The following HSD17B2 variants were observed in gnomAD, a reference collection of about 807,000 sequenced individuals.
The protein encoded by HSD17B2 is hydroxysteroid 17-beta dehydrogenase 2.
A neutral mutation model predicts 26.9 loss-of-function variants in HSD17B2; 32 were observed. The ratio of observed to expected loss-of-function variants is 1.19; its 90% CI spans 0.90 to 1.60. HSD17B2 has a LOEUF of 1.60. Among genes scored for constraint, HSD17B2 ranks in the 40% most tolerant of loss-of-function variants. HSD17B2 has a pLI of 0.00. For missense variants in HSD17B2, 613 were observed against 468.6 expected (o/e 1.31, Z -2.85); for synonymous variants, 246 against 186.7 (o/e 1.32, Z -2.59).
At chr16:82,050,087 T>C (rs1172159913) in intron 1 of HSD17B2, among the ~76,000 whole-genome samples, 1 of 152,260 alleles carries the variant, frequency 6.6e-6, no homozygotes, top group Non-Finnish European at 1.5e-5. Context: ...TAGCCAGCCC[T>C]ACTTTACAAA....
At chr16:82,097,959 AAT>A in intron 4 of HSD17B2, 114 bp from the exon 5 acceptor site, 22 of 929,418 alleles carry the variant, frequency 2.4e-5, no homozygotes, top group Non-Finnish European at 3.2e-5. Context: ...AAAATAAAAA[AAT>A]AAATAAATAA....
intron 1 of HSD17B2, among the ~76,000 whole-genome samples, chr16:82,064,015 G>A (rs905688978): frequency 6.6e-6 from 1 of 152,186 alleles, no homozygotes; most frequent in Non-Finnish European, 1.5e-5. Context: ...GGAGTTCTTT[G>A]CAGTGAGCTG....
In HSD17B2 at chr16:82,068,303, G is replaced by A. The variant is rs762451232; in HGVS notation, c.399G>A (p.Ser133=). The stretch of plus-strand genomic sequence containing the variant: ...GAAGAACCTGCTCTCCGCGCCTCTC[G>A]GTGCTCCAAATGGACATCACGAAGC... ...ELRRTCSPRL[S]VLQMDITKPV... Residue 133 remains serine (S), a synonymous_variant, in exon 2 of 5, where the codon TCG becomes TCA. Coordinates refer to ENST00000199936, the MANE Select transcript of HSD17B2 (RefSeq NM_002153.3). 20 of 1,613,922 alleles carry A rather than the reference G, an allele frequency of 1.2e-5. No homozygotes were observed. Among genetic ancestry groups the A allele is most frequent in the Middle Eastern group, 1.6e-4 (1 of 6,064 alleles).
At chr16:82,068,989 G>T (rs1290460242) in intron 2 of HSD17B2, among the ~76,000 whole-genome samples, 1 of 152,148 alleles carries the variant, frequency 6.6e-6, no homozygotes, top group East Asian at 1.9e-4. Context: ...ATGTGCCATG[G>T]TGGTTTGCTG....
intron 1 of HSD17B2, among the ~76,000 whole-genome samples, chr16:82,062,530 C>A (rs574189824): frequency 2.0e-5 from 3 of 152,288 alleles, no homozygotes; most frequent in East Asian, 1.9e-4. Flanking sequence ...ATATTTTATA[C>A]CCCAGTTGTT....
intron 1 of HSD17B2, among the ~76,000 whole-genome samples, chr16:82,049,810 G>A (rs1012576719): frequency 6.6e-6 from 1 of 152,246 alleles, no homozygotes; most frequent in Non-Finnish European, 1.5e-5. Flanking sequence ...ACACAAACTA[G>A]AGACAGTTCC....
intron 1 of HSD17B2, among the ~76,000 whole-genome samples, chr16:82,048,748 G>A (rs192321122): frequency 6.6e-6 from 1 of 152,322 alleles, no homozygotes; most frequent in Admixed American, 6.5e-5. Flanking sequence ...TGGTTAGAAA[G>A]GCAATTTACT....
chr16:82,073,454 G>A (rs943891678), intron 3 of HSD17B2, among the ~76,000 whole-genome samples: 1 of 151,894 alleles, frequency 6.6e-6, no homozygotes, highest in Non-Finnish European at 1.5e-5. Context: ...TCGATCTCCC[G>A]ACCTCGTGAT....
chr16:82,048,961 A>G (rs1161677295), intron 1 of HSD17B2, among the ~76,000 whole-genome samples: 1 of 152,220 alleles, frequency 6.6e-6, no homozygotes, highest in Non-Finnish European at 1.5e-5. Context: ...GACAAAGGAC[A>G]ATAAAGTAAC....
At chr16:82,064,956 G>A (rs1393875569) in intron 1 of HSD17B2, among the ~76,000 whole-genome samples, 1 of 152,198 alleles carries the variant, frequency 6.6e-6, no homozygotes, top group Non-Finnish European at 1.5e-5. Context: ...CACTGCTTTG[G>A]ATCTTGCAGC....
chr16:82,063,049 G>A (rs1269435636), intron 1 of HSD17B2: 1 of 152,230 alleles, frequency 6.6e-6, no homozygotes, highest in African/African-American at 2.4e-5. Flanking sequence ...CTGTCTTGCT[G>A]ACTGCCCATG....
chr16:82,060,545 C>T (rs1311972440), intron 1 of HSD17B2, among the ~76,000 whole-genome samples: 2 of 152,194 alleles, frequency 1.3e-5, no homozygotes, highest in African/African-American at 2.4e-5. Flanking sequence ...GTACAATCTC[C>T]CGATTCTGAG....
At chr16:82,085,418 T>G (rs886432918) in intron 3 of HSD17B2, among the ~76,000 whole-genome samples, 2 of 152,122 alleles carry the variant, frequency 1.3e-5, no homozygotes, top group Non-Finnish European at 2.9e-5. Flanking sequence ...AATGCAGATA[T>G]TAATTAATTT....
chr16:82,073,932 C>T (rs1407448770), intron 3 of HSD17B2, among the ~76,000 whole-genome samples: 1 of 152,172 alleles, frequency 6.6e-6, no homozygotes, highest in Non-Finnish European at 1.5e-5. Context: ...GGAGGCATCA[C>T]ACTACCTGAA....
At position 82,091,022 on chromosome 16, in the gene HSD17B2, C is replaced by G; in HGVS notation, c.785C>G (p.Pro262Arg). The change falls in exon 4 of 5, where the codon CCT becomes CGT. Residue 262 changes from proline to arginine, a missense_variant. Transcript: ENST00000199936. ...KWGIKVASIQ[P>R]GGFLTNIAGT... ...GGAATTAAAGTTGCTTCCATCCAAC[C>G]TGGAGGCTTCCTAACAAGTAGGTTT... The G allele has an allele frequency of 6.2e-7, 1 of 1,613,936 alleles. No individual in the cohort carries two copies. The highest frequency in any genetic ancestry group is 8.5e-7 in the Non-Finnish European group (1 of 1,179,844).
chr16:82,044,875 T>G (rs1164243289), intron 1 of HSD17B2, among the ~76,000 whole-genome samples: 1 of 151,968 alleles, frequency 6.6e-6, no homozygotes, highest in Non-Finnish European at 1.5e-5. Flanking sequence ...CTCAGCACTT[T>G]GGGAGGCCAG....
rs8191065 is a variant in HSD17B2, at chr16:82,037,600, G to T, written c.265+1911G>T. Among the ~76,000 whole-genome samples the T allele has an allele frequency of 2.8e-3, 433 of 152,280 alleles. 4 individuals are homozygous for T. Among genetic ancestry groups the T allele is most frequent in the African/African-American group, 0.01 (417 of 41,556 alleles). On this transcript the variant is annotated intron_variant, in intron 1 of 4. Transcript: ENST00000199936. ...CATAATCTGAAATATGAAAAAAAGA[G>T]TAGAAGCAAAACCAAAATGGCACAT...
Position 82,074,734 on chromosome 16 carries a change from C to A in HSD17B2, c.664+3607C>A, listed in dbSNP as rs8191198. Among the ~76,000 whole-genome samples, 298 of 152,254 alleles carry A rather than the reference C, an allele frequency of 2.0e-3. 5 individuals carry two copies. The East Asian group carries it at 0.041, about 21-fold the overall frequency. ...TATTAGAACTAAACAGAGAGATAGACCTCAATACATTAGTAGCTGGAGGCT... is the reference window on the plus strand; with the variant it reads ...TATTAGAACTAAACAGAGAGATAGAACTCAATACATTAGTAGCTGGAGGCT... On this transcript the variant is annotated intron_variant, in intron 3 of 4. Transcript: ENST00000199936.
intron 3 of HSD17B2, among the ~76,000 whole-genome samples, chr16:82,079,444 C>T (rs1297800103): frequency 6.6e-6 from 1 of 152,198 alleles, no homozygotes; most frequent in African/African-American, 2.4e-5. Context: ...CCTGGTGTCT[C>T]TTCCTCTTCT....
Sources: gnomAD v4.1 joint callset for allele counts (sites outside exome capture counted in the v4.1 genomes callset) on GRCh38, gnomAD v4.1.1 for gene constraint, MANE v1.5 for transcripts, NCBI Gene and HGNC (gene_info 2026-07-23, HGNC 2026-07-21) for gene names.